Variants in SMYD3 observed in about 807,000 individuals in gnomAD.
SMYD3 encodes the protein histone-lysine N-methyltransferase SMYD3.
A neutral mutation model predicts 57.7 loss-of-function variants in SMYD3; 36 were observed. That is an observed-to-expected ratio of 0.62 (90% CI 0.48 to 0.82). The LOEUF is 0.82. Among genes scored for constraint, SMYD3 ranks in the 40% least tolerant of loss-of-function variants. SMYD3 has a pLI of 0.00. For synonymous variants in SMYD3, 211 were observed against 195.0 expected, an observed-to-expected ratio of 1.08 and a Z score of -0.68; for missense variants, 515 against 538.8, an observed-to-expected ratio of 0.96 and a Z score of 0.44.
intron 1 of SMYD3, among the ~76,000 whole-genome samples, chr1:246,411,669 T>G (rs2066971770): frequency 2.6e-5 from 4 of 152,076 alleles, no homozygotes; most frequent in Admixed American, 2.6e-4. Context: ...GTTCATGCCC[T>G]TTGTAGGGAC....
chr1:245,960,929 A>G (rs1273022071), intron 5 of SMYD3, among the ~76,000 whole-genome samples: 1 of 152,214 alleles, frequency 6.6e-6, no homozygotes, highest in Non-Finnish European at 1.5e-5. Context: ...TTCCACAGGA[A>G]GGCCGAAGGC....
At chr1:246,101,217 G>GT (rs2061010731) in intron 5 of SMYD3, among the ~76,000 whole-genome samples, 2 of 151,540 alleles carry the variant, frequency 1.3e-5, no homozygotes, top group African/African-American at 4.9e-5. Context: ...AATTTTTTAT[G>GT]TGAGAAAATA....
intron 8 of SMYD3, among the ~76,000 whole-genome samples, chr1:245,901,784 A>C (rs936693034): frequency 6.6e-6 from 1 of 152,230 alleles, no homozygotes; most frequent in Non-Finnish European, 1.5e-5. Context: ...CAGCAGTCTC[A>C]GCCGGGATTG....
intron 8 of SMYD3, among the ~76,000 whole-genome samples, chr1:245,874,131 T>A (rs2052365411): frequency 6.6e-6 from 1 of 152,054 alleles, no homozygotes; most frequent in Non-Finnish European, 1.5e-5. Flanking sequence ...TTAAACTGAG[T>A]TTTCTCAAGT....
intron 5 of SMYD3, among the ~76,000 whole-genome samples, chr1:246,135,840 C>T (rs1404929482): frequency 6.6e-6 from 1 of 152,152 alleles, no homozygotes; most frequent in East Asian, 1.9e-4. Context: ...AGTTCAAACT[C>T]TAATCTGGTC....
chr1:246,167,883 T>C (rs577426078), intron 5 of SMYD3, among the ~76,000 whole-genome samples: 6 of 152,342 alleles, frequency 3.9e-5, no homozygotes, highest in Non-Finnish European at 8.8e-5. Flanking sequence ...TTGTCGGCCA[T>C]TTGTATATCT....
intron 1 of SMYD3, among the ~76,000 whole-genome samples, chr1:246,486,588 C>G (rs1165057612): frequency 6.6e-6 from 1 of 152,064 alleles, no homozygotes; most frequent in East Asian, 1.9e-4. Flanking sequence ...AATTATAACC[C>G]CATTTCATTC....
At position 246,192,279 on chromosome 1, in the gene SMYD3, T is replaced by A. The variant is rs556762538; in HGVS notation, c.531+134922A>T. On this transcript the variant is annotated intron_variant, in intron 5 of 11. Coordinates refer to ENST00000490107, the MANE Select transcript of SMYD3 (RefSeq NM_001167740.2). ...ATGCTCAGCTATTTTTTATTTTATT[T>A]ACTTATTTACTTTTTTAATTTATAA... 2.0e-5 allele frequency among the ~76,000 whole-genome samples: 3 copies of A among 152,318 alleles called. No individual in the cohort carries two copies. The East Asian group carries it at 5.8e-4, about 29-fold the overall frequency.
At chr1:245,850,622 G>A (rs2050919387) in intron 10 of SMYD3, among the ~76,000 whole-genome samples, 1 of 152,110 alleles carries the variant, frequency 6.6e-6, no homozygotes, top group African/African-American at 2.4e-5. Flanking sequence ...GAACACTTGA[G>A]CCCAGGAAGT....
At chr1:246,259,629 T>C (rs2063965771) in intron 5 of SMYD3, among the ~76,000 whole-genome samples, 1 of 152,232 alleles carries the variant, frequency 6.6e-6, no homozygotes, top group Non-Finnish European at 1.5e-5. Flanking sequence ...TGTAGCTGGA[T>C]ACTTGATCCT....
At chr1:246,216,286 C>CAAAAAAAAAAAAA (rs761129685) in intron 5 of SMYD3, among the ~76,000 whole-genome samples, 1 of 125,668 alleles carries the variant, frequency 8.0e-6, no homozygotes, top group African/African-American at 3.0e-5. Context: ...GACTCCATTT[C>CAAAAAAAAAAAAA]AAAAAAAAAA....
chr1:246,039,631 A>C (rs946457375), intron 5 of SMYD3, among the ~76,000 whole-genome samples: 1 of 152,208 alleles, frequency 6.6e-6, no homozygotes, highest in Non-Finnish European at 1.5e-5. Context: ...CCAATGGGTA[A>C]GACTCACAGC....
chr1:245,875,308 G>A (rs1414841318), intron 8 of SMYD3, among the ~76,000 whole-genome samples: 3 of 152,170 alleles, frequency 2.0e-5, no homozygotes, highest in East Asian at 1.9e-4. Flanking sequence ...AGCAGATGAC[G>A]ATCAGACAGG....
chr1:246,279,329 T>A (rs2064397675), intron 5 of SMYD3, among the ~76,000 whole-genome samples: 2 of 152,302 alleles, frequency 1.3e-5, no homozygotes, highest in African/African-American at 4.8e-5. Context: ...CAGACCAGCC[T>A]GGCCAACATG....
At chr1:246,009,530 G>A (rs936836078) in intron 5 of SMYD3, among the ~76,000 whole-genome samples, 4 of 152,058 alleles carry the variant, frequency 2.6e-5, no homozygotes, top group African/African-American at 7.2e-5. Context: ...ATACACACAC[G>A]TACATAAAAG....
intron 5 of SMYD3, among the ~76,000 whole-genome samples, chr1:246,101,613 A>G (rs11588390): frequency 0.06 from 9,185 of 152,336 alleles, 378 homozygotes; most frequent in Non-Finnish European, 0.088. Context: ...TTAATTGTAC[A>G]TTGAAAATGG....
In SMYD3 at chr1:245,863,779, A is replaced by G. The variant is rs2051681253; in HGVS notation, c.901+20T>C. The G allele has an allele frequency of 1.2e-6, 2 of 1,609,568 alleles. No homozygotes were observed. The highest frequency in any genetic ancestry group is 4.5e-5 in the East Asian group (2 of 44,808). On this transcript the variant is annotated intron_variant, in intron 9 of 11. Transcript: ENST00000490107. ...GAAACAATCCCAACAGTCCACCTCA[A>G]TCCACAGGCGAAAGGATACTCCAGT...
chr1:246,280,959 T>C, intron 5 of SMYD3, among the ~76,000 whole-genome samples: 1 of 152,220 alleles, frequency 6.6e-6, no homozygotes, highest in East Asian at 1.9e-4. Flanking sequence ...TGCAAAAACC[T>C]AGCAATTAAA....
At chr1:246,034,929 A>G (rs1001380043) in intron 5 of SMYD3, among the ~76,000 whole-genome samples, 8 of 152,154 alleles carry the variant, frequency 5.3e-5, no homozygotes, top group Non-Finnish European at 1.2e-4. Context: ...TATACTTTAT[A>G]AGAGAAAATA....
Sources: gnomAD v4.1 joint callset for allele counts (sites outside exome capture counted in the v4.1 genomes callset) on GRCh38, gnomAD v4.1.1 for gene constraint, MANE v1.5 for transcripts, NCBI Gene and HGNC (gene_info 2026-07-23, HGNC 2026-07-21) for gene names.